Variants in SLC24A2 observed in about 807,000 individuals in gnomAD.
SLC24A2 encodes the protein sodium/potassium/calcium exchanger 2.
SLC24A2 carries 36 observed loss-of-function variants against 62.0 expected under a neutral mutation model. The ratio of observed to expected loss-of-function variants is 0.58; its 90% CI spans 0.44 to 0.77. The LOEUF (loss-of-function observed/expected upper bound fraction) is 0.77. Among genes scored for constraint, SLC24A2 ranks in the 30% least tolerant of loss-of-function variants. The pLI, the probability that SLC24A2 is intolerant of heterozygous loss-of-function variation, is 0.00. For synonymous variants in SLC24A2, 358 were observed against 294.0 expected (o/e 1.22, Z -2.23); for missense variants, 846 against 817.9 (o/e 1.03, Z -0.42).
At chr9:20,021,972 A>G in the SLC24A2 span, among the ~76,000 whole-genome samples, 1 of 152,114 alleles carries the variant, frequency 6.6e-6, no homozygotes, top group South Asian at 2.1e-4. Context: ...CCGAATGTTA[A>G]CAGTCTACAC....
chr9:19,713,852 G>A (rs146204914), intron 2 of SLC24A2, among the ~76,000 whole-genome samples: 1 of 151,984 alleles, frequency 6.6e-6, no homozygotes, highest in Non-Finnish European at 1.5e-5. Flanking sequence ...TTTATAAGAT[G>A]CTGACTTTCT....
At chr9:19,810,356 G>C in the SLC24A2 span, among the ~76,000 whole-genome samples, 10 of 152,258 alleles carry the variant, frequency 6.6e-5, no homozygotes, top group African/African-American at 2.4e-4. Flanking sequence ...TATTTTATCT[G>C]TTAATAAAAA....
At chr9:20,021,710 C>T in the SLC24A2 span, among the ~76,000 whole-genome samples, 1 of 152,060 alleles carries the variant, frequency 6.6e-6, no homozygotes, top group Non-Finnish European at 1.5e-5. Context: ...CCCCTGGCCC[C>T]CAAACTTCAG....
the SLC24A2 span, among the ~76,000 whole-genome samples, chr9:20,024,185 C>T: frequency 6.6e-6 from 1 of 152,230 alleles, no homozygotes; most frequent in African/African-American, 2.4e-5. Context: ...TGGAGGACTA[C>T]TTAAAGGAAA....
the SLC24A2 span, among the ~76,000 whole-genome samples, chr9:20,019,374 G>C: frequency 6.6e-6 from 1 of 152,006 alleles, no homozygotes; most frequent in South Asian, 2.1e-4. Flanking sequence ...TAAGGAAGGG[G>C]TCCAGTTTCA....
chr9:20,196,687 C>T, the SLC24A2 span, among the ~76,000 whole-genome samples: 1 of 152,214 alleles, frequency 6.6e-6, no homozygotes, highest in Non-Finnish European at 1.5e-5. Flanking sequence ...TCATTACATT[C>T]TGCCAAGGAG....
the SLC24A2 span, among the ~76,000 whole-genome samples, chr9:19,908,095 C>T: frequency 1.3e-5 from 2 of 152,174 alleles, no homozygotes; most frequent in Non-Finnish European, 2.9e-5. Context: ...TACTACAAGG[C>T]TACAGTCACC....
At chr9:19,983,177 T>C in the SLC24A2 span, among the ~76,000 whole-genome samples, 2 of 152,040 alleles carry the variant, frequency 1.3e-5, no homozygotes, top group African/African-American at 2.4e-5. Context: ...TGAAGAAAAA[T>C]GAAATAAAAG....
the SLC24A2 span, among the ~76,000 whole-genome samples, chr9:20,184,963 G>A: frequency 6.6e-6 from 1 of 152,096 alleles, no homozygotes; most frequent in Non-Finnish European, 1.5e-5. Flanking sequence ...TATATCTGGA[G>A]GACATTATGC....
At chr9:20,014,517 T>TATATATAC in the SLC24A2 span, among the ~76,000 whole-genome samples, 91 of 148,456 alleles carry the variant, frequency 6.1e-4, no homozygotes, top group African/African-American at 2.2e-3. Context: ...TATATATATA[T>TATATATAC]ACACACACAC....
At chr9:20,028,645 G>C in the SLC24A2 span, among the ~76,000 whole-genome samples, 2 of 152,062 alleles carry the variant, frequency 1.3e-5, no homozygotes, top group Admixed American at 6.5e-5. Context: ...TTCTGCCCCC[G>C]CCTTGCAGAG....
chr9:20,294,467 T>G, the SLC24A2 span, among the ~76,000 whole-genome samples: 2 of 152,224 alleles, frequency 1.3e-5, no homozygotes, highest in Non-Finnish European at 2.9e-5. Flanking sequence ...TGCTGCATTT[T>G]AGGAAACGTG....
At chr9:20,170,528 G>A in the SLC24A2 span, among the ~76,000 whole-genome samples, 1 of 152,004 alleles carries the variant, frequency 6.6e-6, no homozygotes, top group Non-Finnish European at 1.5e-5. Flanking sequence ...CAAAGCTTGT[G>A]AGATGTGCAG....
chr9:20,146,918 T>C, the SLC24A2 span, among the ~76,000 whole-genome samples: 2 of 152,108 alleles, frequency 1.3e-5, no homozygotes, highest in Non-Finnish European at 2.9e-5. Flanking sequence ...CTAGTCAGGC[T>C]CTTATGTACA....
At chr9:20,255,357 A>G in the SLC24A2 span, among the ~76,000 whole-genome samples, 19,545 of 152,168 alleles carry the variant, frequency 0.13, 1,492 homozygotes, top group East Asian at 0.22. Flanking sequence ...ATTTTGCCCA[A>G]TCTCCTTTGT....
the SLC24A2 span, among the ~76,000 whole-genome samples, chr9:20,014,430 C>T: frequency 6.0e-5 from 9 of 150,738 alleles, no homozygotes; most frequent in Non-Finnish European, 7.4e-5. Context: ...TGCACTCCCA[C>T]GATTACTGCA....
the SLC24A2 span, among the ~76,000 whole-genome samples, chr9:19,953,674 A>G: frequency 6.6e-6 from 1 of 152,118 alleles, no homozygotes; most frequent in East Asian, 1.9e-4. Context: ...TAGCCATTAA[A>G]TAACAATACA....
chr9:20,231,076 C>A, the SLC24A2 span, among the ~76,000 whole-genome samples: 3 of 152,128 alleles, frequency 2.0e-5, no homozygotes, highest in Non-Finnish European at 4.4e-5. Flanking sequence ...GGGCTCTGTT[C>A]TGTTCCATTG....
chr9:19,942,332 A>G, the SLC24A2 span, among the ~76,000 whole-genome samples: 80 of 152,314 alleles, frequency 5.3e-4, no homozygotes, highest in African/African-American at 1.9e-3. Flanking sequence ...TTCAAGTACT[A>G]TTATCATTGC....
Sources: allele counts gnomAD v4.1 joint callset (sites outside exome capture counted in the v4.1 genomes callset), GRCh38; gene constraint gnomAD v4.1.1; transcripts MANE v1.5; gene names NCBI Gene and HGNC (gene_info 2026-07-23, HGNC 2026-07-21).